Variants in ARPP19 observed in about 807,000 individuals in gnomAD.
The protein encoded by ARPP19 is cAMP regulated phosphoprotein 19, also known as cAMP-regulated phosphoprotein 19.
Under a neutral mutation model 12.0 loss-of-function variants are expected in ARPP19, and 8 were observed. The observed-to-expected ratio is 0.67, with a 90% CI of 0.39 to 1.21. ARPP19 has a LOEUF of 1.21. Among genes scored for constraint, ARPP19 ranks in the 50% most tolerant of loss-of-function variants. The pLI is 0.01. For synonymous variants in ARPP19, 47 were observed against 50.4 expected, an observed-to-expected ratio of 0.93 and a Z score of 0.29; for missense variants, 102 against 136.3, an observed-to-expected ratio of 0.75 and a Z score of 1.25.
At chr15:52,556,296 C>G (rs553990013) in intron 2 of ARPP19, among the ~76,000 whole-genome samples, 101 of 152,048 alleles carry the variant, frequency 6.6e-4, no homozygotes, top group Middle Eastern at 6.8e-3. Context: ...GTATTTCATC[C>G]TTCCCTGTAT....
intron 2 of ARPP19, among the ~76,000 whole-genome samples, chr15:52,555,915 A>C: frequency 6.6e-6 from 1 of 151,952 alleles, no homozygotes; most frequent in Non-Finnish European, 1.5e-5. Context: ...GAGCACCTTA[A>C]GTGTTTTTCT....
Position 52,551,888 on chromosome 15 carries a change from G to A in ARPP19, c.*46C>T. 1 of 1,414,146 alleles carries A rather than the reference G, an allele frequency of 7.1e-7. No homozygotes were observed. The highest frequency in any genetic ancestry group is 2.3e-5 in the East Asian group (1 of 43,844). The allele number at this position is 1,414,146 out of a possible 1,614,324, so 87.6% of individuals were successfully genotyped here. On this transcript the variant is annotated 3_prime_UTR_variant, in exon 3 of 3. Coordinates refer to ENST00000249822, the MANE Select transcript of ARPP19 (RefSeq NM_006628.6). ...AAAAAGTAGATAAGTAACATATTAA[G>A]GAGAAATAATGAGATTTAGCAGATT...
rs2077991225 is a variant in ARPP19 at position 52,557,457 on chromosome 15, A to T, written c.46-235T>A. The T allele has an allele frequency of 4.4e-5, 19 of 433,102 alleles. No homozygotes were observed. The South Asian group carries it at 5.1e-4, about 12-fold the overall frequency. The allele number at this position is 433,102 out of a possible 1,614,324, so 26.8% of individuals were successfully genotyped here. A position where few individuals can be genotyped will look rare whatever the true frequency, so the allele number is the denominator to read the frequency against. ...GTAACACCCCACACACTGGATAAAA[A>T]TATCAAGATAGCTCAGCTCTGAAGT... On this transcript the variant is annotated intron_variant, in intron 1 of 2. Transcript: ENST00000249822.
intron 2 of ARPP19, among the ~76,000 whole-genome samples, chr15:52,553,083 A>T (rs562968944): frequency 6.6e-6 from 1 of 152,232 alleles, no homozygotes; most frequent in Non-Finnish European, 1.5e-5. Flanking sequence ...TCTCAAAAAC[A>T]AAAAAACCAA....
chr15:52,568,706 G>A, intron 1 of ARPP19, 142 bp downstream of exon 1: 1 of 524,038 alleles, frequency 1.9e-6, no homozygotes, highest in Non-Finnish European at 3.3e-6. Context: ...GCGACGGCGG[G>A]AAGCCAAAGG....
intron 1 of ARPP19, among the ~76,000 whole-genome samples, chr15:52,560,865 A>G (rs1418408364): frequency 6.6e-6 from 1 of 152,202 alleles, no homozygotes; most frequent in African/African-American, 2.4e-5. Flanking sequence ...ATGGCAGATA[A>G]ACAGGGGCTC....
chr15:52,562,425 A>T (rs2078042446), intron 1 of ARPP19, among the ~76,000 whole-genome samples: 2 of 152,166 alleles, frequency 1.3e-5, no homozygotes, highest in South Asian at 4.1e-4. Context: ...TTCCTGGTTA[A>T]AAAAGAAAGC....
At chr15:52,565,941 G>A (rs930150151) in intron 1 of ARPP19, among the ~76,000 whole-genome samples, 7 of 152,014 alleles carry the variant, frequency 4.6e-5, no homozygotes, top group African/African-American at 9.7e-5. Context: ...TGCACCCTCC[G>A]CCTCCCAGGT....
rs1463150068 is a variant in ARPP19, at chr15:52,547,890, T to C, written c.*4044A>G. ...AATACAATTTAATGAGTGCCATCAA[T>C]GGGCTTAAGAAATAAGCAGGGATGG... On this transcript the variant is annotated 3_prime_UTR_variant, in exon 3 of 3. Coordinates refer to ENST00000249822, the MANE Select transcript of ARPP19 (RefSeq NM_006628.6). 1 of 152,202 alleles carries C rather than the reference T, an allele frequency of 6.6e-6. No individual in the cohort carries two copies. The highest frequency in any genetic ancestry group is 1.5e-5 in the Non-Finnish European group (1 of 68,038). 9.4% of individuals were successfully genotyped at this position (152,202 alleles called of 1,614,324 possible).
At chr15:52,567,642 A>T (rs1202877020) in intron 1 of ARPP19, among the ~76,000 whole-genome samples, 2 of 152,170 alleles carry the variant, frequency 1.3e-5, no homozygotes, top group African/African-American at 2.4e-5. Flanking sequence ...ATGCGTAAAT[A>T]TATCTATTTT....
chr15:52,548,082 G>C lies in ARPP19; in HGVS notation c.*3852C>G, dbSNP rs1262984898. The stretch of plus-strand genomic sequence containing the variant: ...CCCAAACACCAATTTTAGAGCAGAG[G>C]AGCAGTAATCCCCTTTATCTGCAAT... On this transcript the variant is annotated 3_prime_UTR_variant, in exon 3 of 3. Coordinates refer to ENST00000249822, the MANE Select transcript of ARPP19 (RefSeq NM_006628.6). The C allele has an allele frequency of 6.6e-6, 1 of 152,218 alleles. No individual in the cohort carries two copies. Among genetic ancestry groups the C allele is most frequent in the African/African-American group, 2.4e-5 (1 of 41,448 alleles). The allele number at this position is 152,218 out of a possible 1,614,324, so 9.4% of individuals were successfully genotyped here.
chr15:52,564,644 A>G (rs545484372), intron 1 of ARPP19, among the ~76,000 whole-genome samples: 314 of 152,278 alleles, frequency 2.1e-3, no homozygotes, highest in African/African-American at 7.3e-3. Flanking sequence ...TTTCATTGAC[A>G]GCTTTCCTGT....
chr15:52,554,034 T>G (rs2141724039), intron 2 of ARPP19, among the ~76,000 whole-genome samples: 1 of 152,384 alleles, frequency 6.6e-6, no homozygotes, highest in East Asian at 1.9e-4. Context: ...ACCTCAGAAT[T>G]GTGATGCACT....
At chr15:52,554,152 A>T (rs1346453871) in intron 2 of ARPP19, among the ~76,000 whole-genome samples, 1 of 152,166 alleles carries the variant, frequency 6.6e-6, no homozygotes, top group Non-Finnish European at 1.5e-5. Flanking sequence ...AATTTAACAC[A>T]CATGTAAATT....
chr15:52,558,919 C>T (rs983825244), intron 1 of ARPP19, among the ~76,000 whole-genome samples: 1 of 152,152 alleles, frequency 6.6e-6, no homozygotes, highest in African/African-American at 2.4e-5. Flanking sequence ...TCACCTCAGC[C>T]TCCCAATGTG....
At chr15:52,565,940 C>T (rs1256013685) in intron 1 of ARPP19, among the ~76,000 whole-genome samples, 5 of 151,836 alleles carry the variant, frequency 3.3e-5, no homozygotes, top group Non-Finnish European at 7.4e-5. Flanking sequence ...CTGCACCCTC[C>T]GCCTCCCAGG....
rs528905075 is a variant in ARPP19 at position 52,568,973 on chromosome 15, G to A, written c.-81C>T. 3,304 of 1,069,000 alleles carry A rather than the reference G, an allele frequency of 3.1e-3. 8 individuals carry two copies. The highest frequency in any genetic ancestry group is 4.0e-3 in the Non-Finnish European group (2,978 of 740,696). 66.2% of individuals were successfully genotyped at this position (1,069,000 alleles called of 1,614,324 possible). ...GGCCACCCGGCCGCCGCCCGTCCCA[G>A]CTCTCCCAGGGCCCGCCGGGCCGCC... is the stretch of plus-strand genomic sequence containing the variant. On this transcript the variant is annotated 5_prime_UTR_variant, in exon 1 of 3. Transcript: ENST00000249822.
At chr15:52,556,316 T>C (rs572296277) in intron 2 of ARPP19, among the ~76,000 whole-genome samples, 2 of 152,204 alleles carry the variant, frequency 1.3e-5, no homozygotes, top group East Asian at 3.9e-4. Context: ...TAGTAAGTAA[T>C]TTGAATATGC....
intron 1 of ARPP19, among the ~76,000 whole-genome samples, chr15:52,567,680 A>G (rs1357718461): frequency 6.6e-6 from 1 of 152,236 alleles, no homozygotes; most frequent in African/African-American, 2.4e-5. Context: ...TAATGTGGTA[A>G]CTTGGACTTT....
Sources: gnomAD v4.1 joint callset for allele counts (sites outside exome capture counted in the v4.1 genomes callset) on GRCh38, gnomAD v4.1.1 for gene constraint, MANE v1.5 for transcripts, NCBI Gene and HGNC (gene_info 2026-07-23, HGNC 2026-07-21) for gene names.